CIZ1: variants seen among roughly 807,000 people sequenced by gnomAD.
The protein encoded by CIZ1 is CDKN1A interacting zinc finger protein 1, also known as cip1-interacting zinc finger protein.
Under a neutral mutation model 118.6 loss-of-function variants are expected in CIZ1, and 58 were observed. The observed-to-expected ratio is 0.49, with a 90% CI of 0.40 to 0.61. The LOEUF (loss-of-function observed/expected upper bound fraction) is 0.61. CIZ1 is among the 20% of genes least tolerant of loss of function. CIZ1 has a pLI of 0.00. For synonymous variants in CIZ1, 448 were observed against 443.4 expected (o/e 1.01, Z -0.13); for missense variants, 921 against 1,115.9 (o/e 0.83, Z 2.49).
Position 128,203,690 on chromosome 9 carries a change from G to C in CIZ1, c.-6+496C>G. On this transcript the variant is annotated intron_variant, in intron 1 of 17. Coordinates refer to the CIZ1 transcript ENST00000372948. The surrounding 1 kb of genome is among the most constrained non-coding windows in gnomAD (Gnocchi z 5.3). ...GACCCCCGGGATCCCTGGAGTCCCC[G>C]CCCGGGGCACTGACGGCGCGGCGAC... is the stretch of plus-strand genomic sequence containing the variant. 7.2e-7 allele frequency: 1 copy of C among 1,395,988 alleles called. No homozygotes were observed. The highest frequency in any genetic ancestry group is 3.4e-5 in the Admixed American group (1 of 29,170). 86.5% of individuals were successfully genotyped at this position (1,395,988 alleles called of 1,614,324 possible).
chr9:128,178,606 G>C, intron 8 of CIZ1, 103 bp downstream of exon 8: 1 of 1,585,948 alleles, frequency 6.3e-7, no homozygotes, highest in East Asian at 2.2e-5. Context: ...CTGGGTTCCA[G>C]GCCTAGCCCT....
intron 1 of CIZ1, chr9:128,198,495 T>C (rs1394423270): frequency 6.6e-6 from 1 of 152,238 alleles, no homozygotes; most frequent in Non-Finnish European, 1.5e-5. Flanking sequence ...TGGCATTTAT[T>C]GAGCACCTAC....
intron 10 of CIZ1, 34 bp downstream of exon 10, chr9:128,177,532 C>CCCCCCA: frequency 8.9e-7 from 1 of 1,128,456 alleles, no homozygotes; most frequent in Non-Finnish European, 1.2e-6. Flanking sequence ...ACGCAGGCCC[C>CCCCCCA]ACCCCTCCCC....
intron 5 of CIZ1, among the ~76,000 whole-genome samples, chr9:128,181,856 T>C (rs1831691690): frequency 6.6e-6 from 1 of 152,056 alleles, no homozygotes; most frequent in South Asian, 2.1e-4. Flanking sequence ...TCAGTCAGGC[T>C]TGCCCGCAGT....
chr9:128,170,170 C>T (rs45518236), intron 11 of CIZ1, 63 bp from the exon 12 acceptor site: 30 of 1,395,278 alleles, frequency 2.2e-5, no homozygotes, highest in Admixed American at 1.8e-4. Flanking sequence ...TGTCTGAGAG[C>T]GCTCCATAAG....
At chr9:128,188,105 G>A (rs372356834) in intron 3 of CIZ1, among the ~76,000 whole-genome samples, 171 bp from the exon 4 acceptor site, 284 of 19,418 alleles carry the variant, frequency 0.015, no homozygotes, top group Non-Finnish European at 0.024. Context: ...AAAAGCAAAA[G>A]AAAGAAAAAA....
chr9:128,169,768 G>A (rs955442459), intron 12 of CIZ1: 14 of 1,476,286 alleles, frequency 9.5e-6, no homozygotes, highest in East Asian at 2.5e-5. Flanking sequence ...GAGAGAGAGG[G>A]CAGCTGCCCA....
intron 11 of CIZ1, 109 bp downstream of exon 11, chr9:128,176,242 G>A: frequency 7.3e-6 from 10 of 1,375,542 alleles, no homozygotes; most frequent in Non-Finnish European, 1.0e-5. Context: ...AGGCCTGGCT[G>A]GGGGTGCAGT....
At chr9:128,172,337 C>CA (rs577655385) in intron 11 of CIZ1, among the ~76,000 whole-genome samples, 89 of 151,688 alleles carry the variant, frequency 5.9e-4, no homozygotes, top group Non-Finnish European at 1.1e-3. Context: ...ACTAAAAATA[C>CA]AAAAAAATTA....
rs1829446104 is a variant in CIZ1, at chr9:128,166,527, T to C, written c.2488-121A>G. 2 of 994,272 alleles carry C rather than the reference T, an allele frequency of 2.0e-6. No individual in the cohort carries two copies. The highest frequency in any genetic ancestry group is 2.9e-6 in the Non-Finnish European group (2 of 681,732). 61.6% of individuals were successfully genotyped at this position (994,272 alleles called of 1,614,324 possible). ...TAGTGTGCTCTGTGACCCTGCGTGA[T>C]GCACTCGGCCTCTCTGGGCCGTCTC... On this transcript the variant is annotated intron_variant, in intron 16 of 16. Coordinates refer to ENST00000372938, the MANE Select transcript of CIZ1 (RefSeq NM_001131016.2). This position sits in a 1 kb window ranked among gnomAD's most constrained non-coding sequence, Gnocchi z 4.4.
At chr9:128,167,002 C>G in intron 15 of CIZ1, 93 bp downstream of exon 15, 1 of 1,591,368 alleles carries the variant, frequency 6.3e-7, no homozygotes, top group Non-Finnish European at 8.6e-7. Context: ...GGCTTCCCAG[C>G]CAGAATGCCA....
chr9:128,202,441 T>C (rs1833557548), intron 1 of CIZ1, among the ~76,000 whole-genome samples: 1 of 152,166 alleles, frequency 6.6e-6, no homozygotes, highest in Admixed American at 6.5e-5. Flanking sequence ...TTTACCACCA[T>C]CCTGATGGGT....
intron 11 of CIZ1, among the ~76,000 whole-genome samples, chr9:128,175,490 C>T (rs979463550): frequency 3.9e-5 from 6 of 152,242 alleles, no homozygotes; most frequent in South Asian, 2.1e-4. Context: ...GGCAGGCAAG[C>T]GGAGGCCAAC....
At chr9:128,195,312 GTTT>G (rs1463696794), upstream of CIZ1, among the ~76,000 whole-genome samples, 3 of 151,886 alleles carry the variant, frequency 2.0e-5, no homozygotes, top group East Asian at 5.8e-4. Flanking sequence ...CATCCCAGGT[GTTT>G]TTGTTTTGTT....
rs4240426 is a variant in CIZ1 at position 128,177,428 on chromosome 9, A to T, written c.1818+138T>A. On this transcript the variant is annotated intron_variant, in intron 10 of 16. Coordinates refer to ENST00000372938, the MANE Select transcript of CIZ1 (RefSeq NM_001131016.2). The stretch of plus-strand genomic sequence containing the variant: ...AACCACCAAAACCTGCCTTCTTGGC[A>T]GGTCAGGAAATGTTTCCCAAGCAAA... 1 allele frequency: 583,502 copies of T among 585,632 alleles called. 290,715 individuals carry two copies. Among genetic ancestry groups the T allele is most frequent in the East Asian group, 1 (32,984 of 32,984 alleles). 36.3% of individuals were successfully genotyped at this position (585,632 alleles called of 1,614,324 possible).
At position 128,191,148 on chromosome 9, in the gene CIZ1, T is replaced by A; in HGVS notation, c.-6+284A>T. 2.0e-6 allele frequency: 1 copy of A among 511,570 alleles called. No individual in the cohort carries two copies. Among genetic ancestry groups the A allele is most frequent in the Non-Finnish European group, 3.4e-6 (1 of 290,670 alleles). The allele number at this position is 511,570 out of a possible 1,614,324, so 31.7% of individuals were successfully genotyped here. ...CCTCCATCTCTCCATTTCTGGCGGC[T>A]CCATCCTCCCACCCTCAGCCTCAGC... is the stretch of plus-strand genomic sequence containing the variant. On this transcript the variant is annotated intron_variant, in intron 1 of 16. Coordinates refer to ENST00000372938, the MANE Select transcript of CIZ1 (RefSeq NM_001131016.2). This position sits in a 1 kb window ranked among gnomAD's most constrained non-coding sequence, Gnocchi z 5.5.
chr9:128,174,946 CTG>C (rs1830678306), intron 11 of CIZ1, among the ~76,000 whole-genome samples: 1 of 152,238 alleles, frequency 6.6e-6, no homozygotes, highest in African/African-American at 2.4e-5. Context: ...GCCTGAGCCA[CTG>C]CGCCTGACCA....
At position 128,185,789 on chromosome 9, in the gene CIZ1, A is replaced by C; in HGVS notation, c.359-13T>G. On this transcript the variant is annotated splice_polypyrimidine_tract_variant and intron_variant, in intron 4 of 16. Coordinates refer to ENST00000372938, the MANE Select transcript of CIZ1 (RefSeq NM_001131016.2). ...CCTCGGAGGTTACCTGCAGGCAAGA[A>C]GACAGGAGAAGAGGGGTCACAATGT... 1 of 1,592,630 alleles carries C rather than the reference A, an allele frequency of 6.3e-7. No individual in the cohort carries two copies. Among genetic ancestry groups the C allele is most frequent in the Non-Finnish European group, 8.6e-7 (1 of 1,161,988 alleles).
At chr9:128,198,746 C>T (rs910568615) in intron 1 of CIZ1, among the ~76,000 whole-genome samples, 18 of 151,992 alleles carry the variant, frequency 1.2e-4, no homozygotes, top group African/African-American at 3.6e-4. Flanking sequence ...GCAGGGGAAT[C>T]GCTTGAACCC....
Sources: allele counts gnomAD v4.1 joint callset (sites outside exome capture counted in the v4.1 genomes callset), GRCh38; gene constraint gnomAD v4.1.1; non-coding constraint Gnocchi (gnomAD v3.1); transcripts MANE v1.5; gene names NCBI Gene and HGNC (gene_info 2026-07-23, HGNC 2026-07-21).